The following LRRC39 variants were observed in gnomAD, a reference collection of about 807,000 sequenced individuals.
The protein encoded by LRRC39 is leucine rich repeat containing 39, also known as leucine-rich repeat-containing protein 39.
A neutral mutation model predicts 39.7 loss-of-function variants in LRRC39; 35 were observed. The observed-to-expected ratio is 0.88, with a 90% CI of 0.67 to 1.17. The LOEUF (loss-of-function observed/expected upper bound fraction) is 1.17, where lower values mean the gene tolerates loss of function less well. LRRC39 is among the 50% of genes most tolerant of loss of function. The pLI is 0.00. For missense variants in LRRC39, 357 were observed against 385.8 expected (o/e 0.93, Z 0.62); for synonymous variants, 113 against 134.1 (o/e 0.84, Z 1.09).
chr1:100,164,867 G>A (rs574196749), intron 3 of LRRC39, among the ~76,000 whole-genome samples: 2 of 151,872 alleles, frequency 1.3e-5, no homozygotes, highest in Middle Eastern at 3.4e-3. Context: ...ATGCCACCAC[G>A]CCCAGCTAAC....
intron 9 of LRRC39, among the ~76,000 whole-genome samples, chr1:100,150,759 T>A (rs1657914119): frequency 6.6e-6 from 1 of 152,176 alleles, no homozygotes; most frequent in Non-Finnish European, 1.5e-5. Flanking sequence ...ATTTTCAGAT[T>A]CAACAAACCT....
chr1:100,154,052 G>A (rs1027524054), intron 8 of LRRC39, among the ~76,000 whole-genome samples: 4 of 151,870 alleles, frequency 2.6e-5, no homozygotes, highest in Non-Finnish European at 5.9e-5. Context: ...GTCATCAACA[G>A]AGGACATTTC....
chr1:100,152,700 GAAAA>G (rs927087626), intron 8 of LRRC39, among the ~76,000 whole-genome samples, 176 bp from the exon 9 acceptor site: 1 of 149,918 alleles, frequency 6.7e-6, no homozygotes, highest in Non-Finnish European at 1.5e-5. Flanking sequence ...TTTCCTAAGA[GAAAA>G]AAAAACACTA....
intron 8 of LRRC39, among the ~76,000 whole-genome samples, chr1:100,154,491 T>G (rs947932207): frequency 6.6e-6 from 1 of 152,132 alleles, no homozygotes; most frequent in African/African-American, 2.4e-5. Context: ...AAGACAAAAA[T>G]ACTTGTCAGC....
chr1:100,166,100 C>G (rs191361381), intron 3 of LRRC39, among the ~76,000 whole-genome samples: 29 of 152,176 alleles, frequency 1.9e-4, no homozygotes, highest in Middle Eastern at 3.4e-3. Context: ...TAAGATGTCC[C>G]TTTGCTCTTC....
At chr1:100,162,943 A>C (rs1209924427) in intron 3 of LRRC39, among the ~76,000 whole-genome samples, 2 of 152,228 alleles carry the variant, frequency 1.3e-5, no homozygotes, top group Admixed American at 6.5e-5. Context: ...GCCAAAAGTA[A>C]ACAAAGTGTT....
At position 100,148,970 on chromosome 1, in the gene LRRC39, T is replaced by C. The variant is rs1274774865; in HGVS notation, c.*72A>G. The C allele has an allele frequency of 1.5e-6, 2 of 1,368,432 alleles. No individual in the cohort carries two copies. The highest frequency in any genetic ancestry group is 3.0e-5 in the African/African-American group (2 of 66,482). 84.8% of individuals were successfully genotyped at this position (1,368,432 alleles called of 1,614,324 possible). ...ATTAAACTTTGGTAATAGCTTTTCT[T>C]TTTACTTCAGAAATCCAAACATTAG... On this transcript the variant is annotated 3_prime_UTR_variant, in exon 10 of 10. Coordinates refer to ENST00000370137, the MANE Select transcript of LRRC39 (RefSeq NM_144620.4).
Position 100,156,374 on chromosome 1 carries a change from G to A in LRRC39, c.514-57C>T, listed in dbSNP as rs988823373. 16 of 1,487,560 alleles carry A rather than the reference G, an allele frequency of 1.1e-5. No homozygotes were observed. In the South Asian group the frequency reaches 2.1e-4, roughly 20 times the overall value. The allele number at this position is 1,487,560 out of a possible 1,614,324, so 92.1% of individuals were successfully genotyped here. The stretch of plus-strand genomic sequence containing the variant: ...ATGTCCACAATGTAAACTACTAAAA[G>A]ACTCACATTGGTAAAGGAGATATTT... On this transcript the variant is annotated intron_variant, in intron 6 of 9. Coordinates refer to ENST00000370137, the MANE Select transcript of LRRC39 (RefSeq NM_144620.4).
In LRRC39 at chr1:100,156,295, G is replaced by A. The variant is rs1658444038; in HGVS notation, c.536C>T (p.Thr179Ile). The A allele has an allele frequency of 6.2e-7, 1 of 1,611,142 alleles. No individual in the cohort carries two copies. The highest frequency in any genetic ancestry group is 8.5e-7 in the Non-Finnish European group (1 of 1,178,126). Reference protein sequence around the residue: ...PQELSNLLKLTHLDLSMNDFT... With the variant: ...PQELSNLLKLIHLDLSMNDFT... ...ATCGTTCATACTCAGATCAAGGTGA[G>A]TAAGTTTTAGCAGATTGCTGAGCTG... The change falls in exon 7 of 10, where the codon ACT becomes ATT. Residue 179 changes from threonine to isoleucine, a missense_variant. Transcript: ENST00000370137.
At chr1:100,177,456 T>C (rs1660040730) in intron 1 of LRRC39, among the ~76,000 whole-genome samples, 1 of 152,214 alleles carries the variant, frequency 6.6e-6, no homozygotes, top group Non-Finnish European at 1.5e-5. Context: ...AGGAAATTGT[T>C]GAGAGAATCT....
chr1:100,164,437 C>T (rs1659100640), intron 3 of LRRC39, among the ~76,000 whole-genome samples: 2 of 152,184 alleles, frequency 1.3e-5, no homozygotes, highest in South Asian at 4.1e-4. Context: ...ACTCTTGGTC[C>T]TACTCCAGAC....
At chr1:100,169,941 T>C (rs566766339) in intron 2 of LRRC39, among the ~76,000 whole-genome samples, 7 of 152,308 alleles carry the variant, frequency 4.6e-5, no homozygotes, top group African/African-American at 1.7e-4. Flanking sequence ...TTGATATACA[T>C]CCATTACTGC....
At chr1:100,157,124 T>TATC (rs1658517064) in intron 6 of LRRC39, among the ~76,000 whole-genome samples, 1 of 152,226 alleles carries the variant, frequency 6.6e-6, no homozygotes, top group Non-Finnish European at 1.5e-5. Flanking sequence ...TCCATATGAT[T>TATC]ATCATTTTTA....
intron 2 of LRRC39, among the ~76,000 whole-genome samples, chr1:100,169,346 GT>G (rs1659447921): frequency 6.6e-6 from 1 of 152,040 alleles, no homozygotes; most frequent in African/African-American, 2.4e-5. Context: ...AAGTAATGTA[GT>G]TGGAAAAGAA....
At chr1:100,178,731 C>A (rs1228131664), upstream of LRRC39, among the ~76,000 whole-genome samples, 1 of 152,132 alleles carries the variant, frequency 6.6e-6, no homozygotes, top group Non-Finnish European at 1.5e-5. Flanking sequence ...GGACTTAATT[C>A]CAGGTTCTTA....
At chr1:100,155,004 C>G (rs767157080) in intron 8 of LRRC39, 47 bp downstream of exon 8, 1 of 1,505,158 alleles carries the variant, frequency 6.6e-7, no homozygotes, top group Non-Finnish European at 8.9e-7. Context: ...TTTTCTGTAG[C>G]CAGAAAGAAA....
Position 100,178,218 on chromosome 1 carries a change from A to T in LRRC39, c.-202T>A, listed in dbSNP as rs1660083413. ...TTTTCAGTGTGGCTCCAAATGATTA[A>T]AATCCCCAGTCAGCTGTAACCAAGT... On this transcript the variant is annotated 5_prime_UTR_variant, in exon 1 of 10. Coordinates refer to ENST00000370137, the MANE Select transcript of LRRC39 (RefSeq NM_144620.4). 1 of 152,194 alleles carries T rather than the reference A, an allele frequency of 6.6e-6. No homozygotes were observed. 9.4% of individuals were successfully genotyped at this position (152,194 alleles called of 1,614,324 possible).
At chr1:100,154,244 A>G (rs1196926568) in intron 8 of LRRC39, among the ~76,000 whole-genome samples, 1 of 152,194 alleles carries the variant, frequency 6.6e-6, no homozygotes, top group Non-Finnish European at 1.5e-5. Context: ...CACCCAATAT[A>G]ATAAAGTACT....
rs148529266 is a variant in LRRC39 at position 100,156,185 on chromosome 1, C to T, written c.646G>A (p.Asp216Asn). 1.2e-5 allele frequency: 19 copies of T among 1,613,500 alleles called. No homozygotes were observed. The African/African-American group carries it at 2.0e-4, about 17-fold the overall frequency. ...MGSNKLEQLPDTIERMQNLHT... is the reference protein window; with the variant it reads ...MGSNKLEQLPNTIERMQNLHT... ...TATTTCTTTTACCTTTCTATAGTAT[C>T]AGGAAGTTGTTCAAGTTTGTTGCTT... is the stretch of plus-strand genomic sequence containing the variant. The change falls in exon 7 of 10, where the codon GAT becomes AAT. Residue 216 changes from aspartate (D) to asparagine (N), a missense_variant. Asp to Asn is a conservative substitution (Grantham distance 23). Coordinates refer to ENST00000370137, the MANE Select transcript of LRRC39 (RefSeq NM_144620.4).
Sources: gnomAD v4.1 joint callset for allele counts (sites outside exome capture counted in the v4.1 genomes callset) on GRCh38, gnomAD v4.1.1 for gene constraint, MANE v1.5 for transcripts, NCBI Gene and HGNC (gene_info 2026-07-23, HGNC 2026-07-21) for gene names.